Variants in RAB40B observed in about 807,000 individuals in gnomAD.
RAB40B encodes ras-related protein Rab-40B.
Under a neutral mutation model 24.0 loss-of-function variants are expected in RAB40B, and 21 were observed. The ratio of observed to expected loss-of-function variants is 0.88; its 90% CI spans 0.62 to 1.26. The LOEUF is 1.26. Ranked by LOEUF, RAB40B falls within the 50% of genes most tolerant of loss-of-function variation. The pLI is 0.00. For synonymous variants in RAB40B, 167 were observed against 169.8 expected (o/e 0.98, Z 0.13); for missense variants, 348 against 390.5 (o/e 0.89, Z 0.92).
intron 1 of RAB40B, among the ~76,000 whole-genome samples, chr17:82,669,765 C>T (rs549684028): frequency 2.6e-5 from 4 of 152,292 alleles, no homozygotes; most frequent in Admixed American, 6.5e-5. Context: ...CTTTGAGCGA[C>T]GACCAAAAAT....
intron 1 of RAB40B, among the ~76,000 whole-genome samples, chr17:82,674,507 CG>C (rs1283258287): frequency 6.7e-6 from 1 of 148,638 alleles, no homozygotes; most frequent in Admixed American, 6.7e-5. Context: ...GGTGTGGTGG[CG>C]GGCACCTGTA....
At chr17:82,698,408 C>A in intron 1 of RAB40B, 47 bp downstream of exon 1, 2 of 1,166,588 alleles carry the variant, frequency 1.7e-6, no homozygotes, top group Non-Finnish European at 2.2e-6. Context: ...CCGCGCCCCT[C>A]CCCGGCCCCG....
intron 1 of RAB40B, among the ~76,000 whole-genome samples, chr17:82,673,000 T>C (rs1460833245): frequency 3.3e-5 from 5 of 152,150 alleles, no homozygotes; most frequent in Non-Finnish European, 7.3e-5. Flanking sequence ...GGTCAGGAGT[T>C]TGAGAGCAGC....
chr17:82,690,367 G>A (rs946530143), intron 1 of RAB40B, among the ~76,000 whole-genome samples: 9 of 149,754 alleles, frequency 6.0e-5, no homozygotes, highest in Non-Finnish European at 1.0e-4. Context: ...TCCAGGGGGA[G>A]ATCTGCAGAA....
chr17:82,693,951 C>T (rs1446751788), intron 1 of RAB40B, among the ~76,000 whole-genome samples: 3 of 151,232 alleles, frequency 2.0e-5, no homozygotes, highest in Admixed American at 6.6e-5. Context: ...GGCGTGGTGG[C>T]GCACACCTGT....
At chr17:82,684,850 A>G (rs1244423356) in intron 1 of RAB40B, among the ~76,000 whole-genome samples, 1 of 152,180 alleles carries the variant, frequency 6.6e-6, no homozygotes, top group Non-Finnish European at 1.5e-5. Flanking sequence ...ACGGTGGCCC[A>G]CGCCTGTAAT....
chr17:82,660,670 G>A (rs1216003256), intron 3 of RAB40B, among the ~76,000 whole-genome samples: 15 of 130,720 alleles, frequency 1.1e-4, no homozygotes, highest in Admixed American at 4.8e-4. Flanking sequence ...CACAGTGCAC[G>A]TACCTGCACA....
chr17:82,667,685 C>T lies in RAB40B; in HGVS notation c.143-3129G>A, dbSNP rs1288700648. Among the ~76,000 whole-genome samples the T allele has an allele frequency of 6.6e-6, 1 of 152,116 alleles. No individual in the cohort carries two copies. The highest frequency in any genetic ancestry group is 2.4e-5 in the African/African-American group (1 of 41,408). Reference sequence around the variant, plus strand: ...CATCACGCCACCAGGTAGATTAGACCAAGCAACACCAGAGCAAACTCCCCC... The same window carrying T: ...CATCACGCCACCAGGTAGATTAGACTAAGCAACACCAGAGCAAACTCCCCC... On this transcript the variant is annotated intron_variant, in intron 1 of 5. Coordinates refer to ENST00000571995, the MANE Select transcript of RAB40B (RefSeq NM_006822.3). The surrounding 1 kb of genome is among the most constrained non-coding windows in gnomAD (Gnocchi z 4.3).
At chr17:82,670,828 C>T (rs62079746) in intron 1 of RAB40B, among the ~76,000 whole-genome samples, 7,307 of 152,032 alleles carry the variant, frequency 0.048, 274 homozygotes, top group African/African-American at 0.1. Context: ...GTACCGCGCC[C>T]GGCTTCCTGA....
chr17:82,658,231 C>A (rs553231064), intron 5 of RAB40B, 97 bp from the exon 6 acceptor site: 1 of 1,503,394 alleles, frequency 6.7e-7, no homozygotes, highest in Non-Finnish European at 8.9e-7. Flanking sequence ...CCTCCCAAGG[C>A]TCGGACGCCC....
intron 1 of RAB40B, among the ~76,000 whole-genome samples, chr17:82,679,449 T>C (rs2046428132): frequency 6.6e-6 from 1 of 151,220 alleles, no homozygotes; most frequent in Non-Finnish European, 1.5e-5. Context: ...GCCCAGCTAA[T>C]TTTTTGTATT....
chr17:82,681,020 C>CAAAAAAAAAAA (rs201799464), intron 1 of RAB40B, among the ~76,000 whole-genome samples: 3 of 93,948 alleles, frequency 3.2e-5, no homozygotes, highest in East Asian at 3.5e-4. Context: ...GACTCCATCT[C>CAAAAAAAAAAA]AAAAAAAAAA....
At chr17:82,664,362 G>A in intron 2 of RAB40B, 134 bp downstream of exon 2, 1 of 803,622 alleles carries the variant, frequency 1.2e-6, no homozygotes. Flanking sequence ...GTGGGAGGGT[G>A]TTCCCGGGGG....
chr17:82,680,303 C>T (rs1002385210), intron 1 of RAB40B, among the ~76,000 whole-genome samples: 7 of 152,290 alleles, frequency 4.6e-5, no homozygotes, highest in South Asian at 2.1e-4. Flanking sequence ...GGCCCTGGGT[C>T]GCAGGCAGGA....
chr17:82,690,063 C>T (rs542684067), intron 1 of RAB40B, among the ~76,000 whole-genome samples: 22 of 151,850 alleles, frequency 1.4e-4, no homozygotes, highest in African/African-American at 5.1e-4. Flanking sequence ...TCAGTTCAAA[C>T]TTGAAAGTGA....
chr17:82,673,472 C>T (rs1412086500), intron 1 of RAB40B, among the ~76,000 whole-genome samples: 1 of 151,948 alleles, frequency 6.6e-6, no homozygotes, highest in Non-Finnish European at 1.5e-5. Context: ...AAGCTGACTC[C>T]TCTTTTCAAT....
intron 1 of RAB40B, among the ~76,000 whole-genome samples, chr17:82,687,468 A>C (rs1021413996): frequency 4.6e-5 from 7 of 152,204 alleles, no homozygotes; most frequent in Admixed American, 1.3e-4. Flanking sequence ...ATTCAGGAGC[A>C]AACTTTGCTG....
chr17:82,658,053 A>T lies in RAB40B; in HGVS notation c.647T>A (p.Ile216Asn). 6.2e-7 allele frequency: 1 copy of T among 1,614,176 alleles called. No individual in the cohort carries two copies. The highest frequency in any genetic ancestry group is 2.2e-5 in the East Asian group (1 of 44,882). ...VHLVDKLPLP[I>N]ALRSHLKSFS... ...GGACTTGAGGTGGCTTCTTAAGGCA[A>T]TGGGGAGCGGGAGCTTGTCCACCAG... is the stretch of plus-strand genomic sequence containing the variant. The change falls in exon 6 of 6, where the codon ATT becomes AAT. Residue 216 changes from isoleucine to asparagine, a missense_variant. Physicochemically the swap from Ile to Asn is moderately radical, Grantham distance 149. Coordinates refer to ENST00000571995, the MANE Select transcript of RAB40B (RefSeq NM_006822.3).
chr17:82,658,976 A>C, intron 4 of RAB40B: 2 of 449,538 alleles, frequency 4.4e-6, no homozygotes, highest in Non-Finnish European at 8.1e-6. Flanking sequence ...TGTTACGCGA[A>C]GGCAGAGGCT....
Sources: gnomAD v4.1 joint callset for allele counts (sites outside exome capture counted in the v4.1 genomes callset) on GRCh38, gnomAD v4.1.1 for gene constraint, Gnocchi (gnomAD v3.1) non-coding constraint, MANE v1.5 for transcripts, NCBI Gene and HGNC (gene_info 2026-07-23, HGNC 2026-07-21) for gene names.